PRKCE: variants seen among roughly 807,000 people sequenced by gnomAD.
PRKCE encodes the protein protein kinase C epsilon, also known as protein kinase C epsilon type.
Under a neutral mutation model 85.4 loss-of-function variants are expected in PRKCE, and 16 were observed. The observed-to-expected ratio is 0.19, with a 90% CI of 0.13 to 0.28. PRKCE has a LOEUF of 0.28. Ranked by LOEUF, PRKCE falls within the 10% of genes least tolerant of loss-of-function variation. The pLI is 1.00. For missense variants in PRKCE, 573 were observed against 975.2 expected (o/e 0.59, Z 5.49); for synonymous variants, 388 against 371.5 (o/e 1.04, Z -0.51).
intron 2 of PRKCE, among the ~76,000 whole-genome samples, chr2:45,894,705 T>C (rs1440644059): frequency 2.0e-5 from 3 of 152,070 alleles, no homozygotes; most frequent in Non-Finnish European, 2.9e-5. Flanking sequence ...AAGAAAGTTA[T>C]GTGTTTTGCC....
intron 1 of PRKCE, among the ~76,000 whole-genome samples, chr2:45,837,352 G>C (rs1690966185): frequency 6.6e-6 from 1 of 152,210 alleles, no homozygotes; most frequent in African/African-American, 2.4e-5. Flanking sequence ...CGCCTCCCAG[G>C]TTCAAGCGAT....
intron 10 of PRKCE, among the ~76,000 whole-genome samples, chr2:46,038,332 T>C (rs2104988016): frequency 6.6e-6 from 1 of 152,170 alleles, no homozygotes; most frequent in Non-Finnish European, 1.5e-5. Context: ...GTGTGACATT[T>C]GAATAAAGAA....
intron 11 of PRKCE, among the ~76,000 whole-genome samples, chr2:46,123,214 CTT>C (rs70937991): frequency 0.012 from 332 of 27,292 alleles, no homozygotes; most frequent in African/African-American, 0.025. Flanking sequence ...AAACACTTGC[CTT>C]TTTTTTTTTT....
rs1245579991 is a variant in PRKCE at position 45,702,115 on chromosome 2, GGAGGCA to G, written c.348+49672_348+49677del. Among the ~76,000 whole-genome samples, 10 of 152,256 alleles carry G rather than the reference GGAGGCA, an allele frequency of 6.6e-5. No individual in the cohort carries two copies. In the East Asian group the frequency reaches 1.9e-3, roughly 29 times the overall value. ...GAGGCAGGAGAATCACTTGAACCTG[GGAGGCA>G]GAGGTTGCAGTGAGCTGAGATCGCA... On this transcript the variant is annotated intron_variant, in intron 1 of 14. Coordinates refer to ENST00000306156, the MANE Select transcript of PRKCE (RefSeq NM_005400.3).
Position 45,692,199 on chromosome 2 carries a change from A to G in PRKCE, c.348+39751A>G, listed in dbSNP as rs150848428. On this transcript the variant is annotated intron_variant, in intron 1 of 14. Coordinates refer to ENST00000306156, the MANE Select transcript of PRKCE (RefSeq NM_005400.3). ...CCTGTCTTAGTTTCCCAGGACTGCC[A>G]TAACAAAGCACCACAAACTGGGTGG... is the stretch of plus-strand genomic sequence containing the variant. Among the ~76,000 whole-genome samples, 1,087 of 152,336 alleles carry G rather than the reference A, an allele frequency of 7.1e-3. 17 individuals carry two copies. Among genetic ancestry groups the G allele is most frequent in the African/African-American group, 0.024 (1,001 of 41,576 alleles).
chr2:46,143,533 C>A (rs1235079375), intron 11 of PRKCE, among the ~76,000 whole-genome samples: 1 of 152,112 alleles, frequency 6.6e-6, no homozygotes, highest in Non-Finnish European at 1.5e-5. Context: ...CAAGCAGGAG[C>A]GTGTCATTCT....
At chr2:45,988,962 C>T (rs916186532) in intron 6 of PRKCE, among the ~76,000 whole-genome samples, 2 of 152,138 alleles carry the variant, frequency 1.3e-5, no homozygotes, top group Non-Finnish European at 2.9e-5. Context: ...CACCCAATAC[C>T]CTTTGATTGC....
intron 10 of PRKCE, among the ~76,000 whole-genome samples, chr2:46,060,910 C>G (rs1014959555): frequency 6.6e-6 from 1 of 151,466 alleles, no homozygotes; most frequent in African/African-American, 2.4e-5. Flanking sequence ...CGCAGGCGCA[C>G]GCCACCACAC....
intron 1 of PRKCE, among the ~76,000 whole-genome samples, chr2:45,745,328 C>T (rs1573175582): frequency 6.6e-6 from 1 of 152,190 alleles, no homozygotes; most frequent in Non-Finnish European, 1.5e-5. Context: ...CCAACTTTCC[C>T]TGCAGTGCCT....
intron 2 of PRKCE, among the ~76,000 whole-genome samples, chr2:45,915,005 C>A (rs1441533881): frequency 1.3e-5 from 2 of 152,342 alleles, no homozygotes; most frequent in East Asian, 3.9e-4. Context: ...GGCATGACCT[C>A]AGCTCACTGC....
intron 2 of PRKCE, among the ~76,000 whole-genome samples, chr2:45,867,157 C>T (rs971192702): frequency 1.4e-4 from 21 of 152,092 alleles, no homozygotes; most frequent in Admixed American, 9.2e-4. Context: ...GCCTCTCAGA[C>T]GTGTAGCAAA....
At chr2:45,682,123 C>T (rs1272107437) in intron 1 of PRKCE, among the ~76,000 whole-genome samples, 1 of 152,084 alleles carries the variant, frequency 6.6e-6, no homozygotes, top group Non-Finnish European at 1.5e-5. Context: ...AAATTTTTTA[C>T]AAACAGCTTT....
intron 2 of PRKCE, among the ~76,000 whole-genome samples, chr2:45,923,154 G>T (rs1485027216): frequency 6.6e-6 from 1 of 152,204 alleles, no homozygotes; most frequent in African/African-American, 2.4e-5. Context: ...AGAGGAGTAG[G>T]CCTTGCTGAG....
chr2:46,061,486 A>C (rs1444983608), intron 10 of PRKCE, among the ~76,000 whole-genome samples: 2 of 152,034 alleles, frequency 1.3e-5, no homozygotes, highest in Non-Finnish European at 2.9e-5. Context: ...GAGAAGAACC[A>C]TTTCTCTCAA....
intron 10 of PRKCE, among the ~76,000 whole-genome samples, chr2:46,073,084 A>G (rs1668215371): frequency 6.6e-6 from 1 of 152,192 alleles, no homozygotes; most frequent in African/African-American, 2.4e-5. Flanking sequence ...AATGCTACCA[A>G]GGGGTTCTAA....
At chr2:46,098,909 G>T (rs888462385) in intron 11 of PRKCE, among the ~76,000 whole-genome samples, 1 of 152,140 alleles carries the variant, frequency 6.6e-6, no homozygotes, top group African/African-American at 2.4e-5. Flanking sequence ...TTTGTTTCAA[G>T]ATGACTCAGG....
In PRKCE at chr2:46,171,204, C is replaced by A. The variant is rs543530022; in HGVS notation, c.2067+11452C>A. Among the ~76,000 whole-genome samples the A allele has an allele frequency of 5.3e-5, 8 of 152,312 alleles. No individual in the cohort carries two copies. The South Asian group carries it at 1.7e-3, about 32-fold the overall frequency. ...AGCTCAGGCCCCAGGCAAGCCAGGG[C>A]AGGCAGGGTACTGTCTCCTCCTAAG... On this transcript the variant is annotated intron_variant, in intron 14 of 14. Coordinates refer to ENST00000306156, the MANE Select transcript of PRKCE (RefSeq NM_005400.3).
At chr2:45,745,379 C>G (rs1477743935) in intron 1 of PRKCE, among the ~76,000 whole-genome samples, 1 of 152,132 alleles carries the variant, frequency 6.6e-6, no homozygotes, top group Non-Finnish European at 1.5e-5. Flanking sequence ...GGGGAGGCTT[C>G]TTTCCCTATC....
intron 2 of PRKCE, among the ~76,000 whole-genome samples, chr2:45,967,045 C>A (rs1701779846): frequency 6.6e-6 from 1 of 152,200 alleles, no homozygotes; most frequent in Admixed American, 6.5e-5. Flanking sequence ...TATGTCTGAT[C>A]TCCTCAGGGC....
Sources: allele counts gnomAD v4.1 joint callset (sites outside exome capture counted in the v4.1 genomes callset), GRCh38; gene constraint gnomAD v4.1.1; transcripts MANE v1.5; gene names NCBI Gene and HGNC (gene_info 2026-07-23, HGNC 2026-07-21).